The following SCLY variants were observed in gnomAD, a reference collection of about 807,000 sequenced individuals.
SCLY encodes selenocysteine lyase, also known as putative selenocysteine lyase.
In SCLY, 38 loss-of-function variants were observed where a neutral mutation model predicts 50.1. The observed-to-expected ratio is 0.76, with a 90% CI of 0.59 to 0.99. The LOEUF (loss-of-function observed/expected upper bound fraction) is 0.99, where lower values mean the gene tolerates loss of function less well. Among genes scored for constraint, SCLY ranks in the 50% least tolerant of loss-of-function variants. The pLI is 0.00. For synonymous variants in SCLY, 243 were observed against 249.4 expected (o/e 0.97, Z 0.24); for missense variants, 600 against 620.0 (o/e 0.97, Z 0.34).
At chr2:238,065,451 A>G (rs561832749) in intron 2 of SCLY, among the ~76,000 whole-genome samples, 1 of 152,286 alleles carries the variant, frequency 6.6e-6, no homozygotes, top group African/African-American at 2.4e-5. Context: ...CTCAGGGAGA[A>G]ATCATGTTCT....
chr2:238,094,075 G>A (rs2065399133), intron 9 of SCLY, 131 bp downstream of exon 9: 1 of 808,150 alleles, frequency 1.2e-6, no homozygotes, highest in Admixed American at 2.4e-5. Context: ...TCAGCAGGAT[G>A]CAGTGAGGGA....
At chr2:238,091,533 T>TA in intron 8 of SCLY, 170 of 399,586 alleles carry the variant, frequency 4.3e-4, no homozygotes, top group South Asian at 1.1e-3. Context: ...AGGTGAAGTG[T>TA]CAAGCTGCAG....
Position 238,083,536 on chromosome 2 carries a change from C to T in SCLY, c.884+182C>T, listed in dbSNP as rs565050129. Among the ~76,000 whole-genome samples the T allele has an allele frequency of 6.6e-6, 1 of 152,342 alleles. No homozygotes were observed. The highest frequency in any genetic ancestry group is 2.4e-5 in the African/African-American group (1 of 41,574). ...TTACACTGAGGGCTCACAGGACCTG[C>T]AGTCTCTTTGGGAATGATTGAAAGC... On this transcript the variant is annotated intron_variant, in intron 7 of 11. Transcript: ENST00000254663. The surrounding 1 kb of genome is among the most constrained non-coding windows in gnomAD (Gnocchi z 4.3).
rs374330427 is a variant in SCLY, at chr2:238,094,504, C to T, written c.1090C>T (p.Arg364Trp). ...TCCCAATACCTGTAACTTTTCCATC[C>T]GGGGACCCCGGCTTCAAGGTGATGG... ...RLPNTCNFSI[R>W]GPRLQGHVVL... is the part of the protein sequence containing the mutation. The change falls in exon 10 of 12, where the codon CGG (arginine) becomes TGG (tryptophan). Residue 364 changes from arginine (R) to tryptophan (W), a missense_variant. Physicochemically the swap from Arg to Trp is moderately radical, Grantham distance 101. Transcript: ENST00000254663. The T allele has an allele frequency of 1.1e-5, 17 of 1,614,016 alleles. No individual in the cohort carries two copies. Among genetic ancestry groups the T allele is most frequent in the African/African-American group, 2.7e-5 (2 of 74,942 alleles).
At position 238,064,423 on chromosome 2, in the gene SCLY, G is replaced by A. The variant is rs2065049494; in HGVS notation, c.156G>A (p.Lys52=). The A allele has an allele frequency of 1.2e-6, 2 of 1,611,386 alleles. No homozygotes were observed. The highest frequency in any genetic ancestry group is 1.7e-6 in the Non-Finnish European group (2 of 1,178,986). Reference sequence around the variant, plus strand: ...CAGAAGTTATCCAGGCCATGACCAAGGCCATGTGGGAAGCCTGGGGAAATC... The same window carrying A: ...CAGAAGTTATCCAGGCCATGACCAAAGCCATGTGGGAAGCCTGGGGAAATC... ...LEPEVIQAMT[K]AMWEAWGNPS... is the part of the protein sequence containing the mutation. Residue 52 remains lysine, a synonymous_variant, in exon 2 of 12, where the codon AAG becomes AAA. Coordinates refer to ENST00000254663, the MANE Select transcript of SCLY (RefSeq NM_016510.7).
At chr2:238,082,492 G>C (rs1379560667) in intron 6 of SCLY, among the ~76,000 whole-genome samples, 1 of 152,218 alleles carries the variant, frequency 6.6e-6, no homozygotes, top group Non-Finnish European at 1.5e-5. Flanking sequence ...CGAGATCTCA[G>C]GGAGAGTAAG....
intron 1 of SCLY, among the ~76,000 whole-genome samples, chr2:238,061,612 G>A (rs1291863518): frequency 1.3e-5 from 2 of 152,188 alleles, no homozygotes; most frequent in Non-Finnish European, 2.9e-5. Context: ...AGGGGCGCGG[G>A]TAGGCATGGG....
intron 2 of SCLY, among the ~76,000 whole-genome samples, chr2:238,065,660 TTTATTA>T (rs61131460): frequency 2.2e-4 from 32 of 143,506 alleles, no homozygotes; most frequent in African/African-American, 4.9e-4. Flanking sequence ...AATATTTTAT[TTTATTA>T]TTATTATTAT....
chr2:238,064,427 A>G lies in SCLY; in HGVS notation c.160A>G (p.Met54Val). Residue 54 changes from methionine (M) to valine (V), a missense_variant, in exon 2 of 12, where the codon ATG becomes GTG. Coordinates refer to ENST00000254663, the MANE Select transcript of SCLY (RefSeq NM_016510.7). ...AGTTATCCAGGCCATGACCAAGGCCATGTGGGAAGCCTGGGGAAATCCCAG... is the reference window on the plus strand; with the variant it reads ...AGTTATCCAGGCCATGACCAAGGCCGTGTGGGAAGCCTGGGGAAATCCCAG... ...PEVIQAMTKAMWEAWGNPSSP... is the reference protein window; with the variant it reads ...PEVIQAMTKAVWEAWGNPSSP... The G allele has an allele frequency of 1.5e-5, 24 of 1,611,340 alleles. No homozygotes were observed. The highest frequency in any genetic ancestry group is 1.9e-5 in the Non-Finnish European group (22 of 1,178,928).
chr2:238,091,532 GTC>G, intron 8 of SCLY: 8 of 454,142 alleles, frequency 1.8e-5, no homozygotes, highest in East Asian at 4.0e-5. Flanking sequence ...GAGGTGAAGT[GTC>G]AAGCTGCAGG....
At chr2:238,074,326 G>T (rs1368161202) in intron 4 of SCLY, among the ~76,000 whole-genome samples, 1 of 151,702 alleles carries the variant, frequency 6.6e-6, no homozygotes, top group African/African-American at 2.4e-5. Flanking sequence ...AAAAGTTTTT[G>T]GGGAGTCAAA....
At chr2:238,084,052 G>A (rs1386853243) in intron 7 of SCLY, among the ~76,000 whole-genome samples, 1 of 152,242 alleles carries the variant, frequency 6.6e-6, no homozygotes. Flanking sequence ...AGATGCTACA[G>A]GGGAAATTGT....
rs754300169 is a variant in SCLY at position 238,081,669 on chromosome 2, A to G, written c.485-40A>G. 5 of 1,589,172 alleles carry G rather than the reference A, an allele frequency of 3.1e-6. 1 individual carries two copies. Among genetic ancestry groups the G allele is most frequent in the East Asian group, 2.3e-5 (1 of 44,304 alleles). ...TGGAACGCAGTTTTGAGAGGAATCA[A>G]TTTGTGCAGCTCAGTTCGGTACTCA... On this transcript the variant is annotated intron_variant, in intron 4 of 11. Coordinates refer to ENST00000254663, the MANE Select transcript of SCLY (RefSeq NM_016510.7).
At chr2:238,074,136 A>G (rs2065151314) in intron 4 of SCLY, among the ~76,000 whole-genome samples, 1 of 151,896 alleles carries the variant, frequency 6.6e-6, no homozygotes, top group African/African-American at 2.4e-5. Context: ...GCAAAACCCC[A>G]TCTCTACTAA....
At chr2:238,078,072 GC>G (rs951537031) in intron 4 of SCLY, among the ~76,000 whole-genome samples, 1 of 151,714 alleles carries the variant, frequency 6.6e-6, no homozygotes, top group Admixed American at 6.6e-5. Flanking sequence ...TCCTGCCTCA[GC>G]CTCCCGAGTA....
At chr2:238,085,717 G>A (rs1408729528) in intron 7 of SCLY, among the ~76,000 whole-genome samples, 1 of 151,950 alleles carries the variant, frequency 6.6e-6, no homozygotes, top group Non-Finnish European at 1.5e-5. Flanking sequence ...GCGGGACTCT[G>A]TCTCAAAAAA....
chr2:238,098,639 GCCCACA>G lies in SCLY; in HGVS notation c.*285_*290del. On this transcript the variant is annotated 3_prime_UTR_variant, in exon 12 of 12. Coordinates refer to ENST00000254663, the MANE Select transcript of SCLY (RefSeq NM_016510.7). ...CACATGGGACCGCCCACATGGGACC[GCCCACA>G]TGGGACCGCCCACATAGAACCGTCC... 2.4e-6 allele frequency: 1 copy of G among 415,884 alleles called. No homozygotes were observed. Among genetic ancestry groups the G allele is most frequent in the Non-Finnish European group, 4.3e-6 (1 of 229,902 alleles). The allele number at this position is 415,884 out of a possible 1,614,324, so 25.8% of individuals were successfully genotyped here.
intron 7 of SCLY, among the ~76,000 whole-genome samples, chr2:238,089,456 AAGTT>A (rs760422985): frequency 3.0e-4 from 46 of 152,150 alleles, no homozygotes; most frequent in Non-Finnish European, 5.6e-4. Context: ...CAGCAGATGA[AAGTT>A]AGCCTTTCAA....
At chr2:238,093,554 T>C in intron 8 of SCLY, 1 of 393,254 alleles carries the variant, frequency 2.5e-6, no homozygotes, top group East Asian at 4.7e-5. Flanking sequence ...TGGGTAGGAG[T>C]CTGTTCCCCT....
Sources: gnomAD v4.1 joint callset for allele counts (sites outside exome capture counted in the v4.1 genomes callset) on GRCh38, gnomAD v4.1.1 for gene constraint, Gnocchi (gnomAD v3.1) non-coding constraint, MANE v1.5 for transcripts, NCBI Gene and HGNC (gene_info 2026-07-23, HGNC 2026-07-21) for gene names.